SYTL5: variants seen among roughly 807,000 people sequenced by gnomAD.
The protein encoded by SYTL5 is synaptotagmin like 5.
Under a neutral mutation model 55.9 loss-of-function variants are expected in SYTL5, and 34 were observed. The ratio of observed to expected loss-of-function variants is 0.61; its 90% CI spans 0.46 to 0.81. The LOEUF (loss-of-function observed/expected upper bound fraction) is 0.81, where lower values mean the gene tolerates loss of function less well. SYTL5 is among the 30% of genes least tolerant of loss of function. The pLI is 0.00. For synonymous variants in SYTL5, 221 were observed against 188.7 expected (o/e 1.17, Z -1.40); for missense variants, 637 against 546.7 (o/e 1.17, Z -1.65).
chrX:37,978,187 G>A, the SYTL5 span, among the ~76,000 whole-genome samples: 2 of 111,198 alleles, frequency 1.8e-5, no homozygotes, highest in Non-Finnish European at 3.8e-5. Flanking sequence ...CGAAAATGAG[G>A]TCCTGAACTA....
At chrX:37,932,325 G>A in the SYTL5 span, among the ~76,000 whole-genome samples, 1 of 111,145 alleles carries the variant, frequency 9.0e-6, no homozygotes, top group Non-Finnish European at 1.9e-5. Flanking sequence ...GGGGTAAAAT[G>A]GAGGGGGAGC....
At chrX:38,011,864 C>T (rs376271575) in intron 1 of SYTL5, among the ~76,000 whole-genome samples, 1 of 108,268 alleles carries the variant, frequency 9.2e-6, no homozygotes, top group African/African-American at 3.5e-5. Flanking sequence ...AATGTTCTCT[C>T]ACCGTAGTTT....
At chrX:37,938,238 C>T in the SYTL5 span, among the ~76,000 whole-genome samples, 12 of 111,571 alleles carry the variant, frequency 1.1e-4, no homozygotes, top group Non-Finnish European at 2.1e-4. Flanking sequence ...TCCAATCTTC[C>T]GTCATTGAAA....
chrX:38,114,850 C>A (rs1158937248), intron 13 of SYTL5, among the ~76,000 whole-genome samples: 1 of 111,176 alleles, frequency 9.0e-6, no homozygotes, highest in Non-Finnish European at 1.9e-5. Context: ...CACCCCCAGC[C>A]CCTGATAACC....
chrX:37,989,969 T>C, the SYTL5 span, among the ~76,000 whole-genome samples: 1 of 110,589 alleles, frequency 9.0e-6, no homozygotes, highest in Non-Finnish European at 1.9e-5. Flanking sequence ...ACTTCCCGGG[T>C]TCACACCATT....
chrX:38,125,248 A>G (rs1937617457), intron 15 of SYTL5, 50 bp from the exon 16 acceptor site: 11 of 1,102,171 alleles, frequency 1.0e-5, no homozygotes, highest in African/African-American at 1.8e-5. Context: ...ACACGCTGAC[A>G]TTTTCTGTCT....
chrX:37,979,361 C>T, the SYTL5 span, among the ~76,000 whole-genome samples: 19 of 107,839 alleles, frequency 1.8e-4, no homozygotes, highest in East Asian at 4.7e-3. Flanking sequence ...ATAGTGTAGC[C>T]GCTGTGGGGA....
At chrX:37,948,517 A>G in the SYTL5 span, among the ~76,000 whole-genome samples, 1 of 110,038 alleles carries the variant, frequency 9.1e-6, no homozygotes. Context: ...TAGAATTTAT[A>G]TATTTACATA....
intron 6 of SYTL5, among the ~76,000 whole-genome samples, chrX:38,085,208 T>C (rs890521746): frequency 8.1e-5 from 9 of 111,779 alleles, no homozygotes; most frequent in Non-Finnish European, 1.7e-4. Context: ...AATGAACTTT[T>C]ATCCACAGCT....
the SYTL5 span, among the ~76,000 whole-genome samples, chrX:37,941,483 C>G: frequency 9.2e-6 from 1 of 108,315 alleles, no homozygotes; most frequent in African/African-American, 3.3e-5. Flanking sequence ...CGTGTTCACC[C>G]GGACATGCAA....
intron 1 of SYTL5, among the ~76,000 whole-genome samples, chrX:38,008,157 T>A (rs1482051728): frequency 8.9e-6 from 1 of 111,954 alleles, no homozygotes; most frequent in Non-Finnish European, 1.9e-5. Context: ...TATGATGATG[T>A]ATCTTATGAC....
chrX:37,988,762 T>C, the SYTL5 span, among the ~76,000 whole-genome samples: 1 of 112,022 alleles, frequency 8.9e-6, no homozygotes, highest in Non-Finnish European at 1.9e-5. Context: ...AGAAAGAAAT[T>C]AGTAACATAA....
chrX:38,007,694 C>A (rs1230908463), intron 1 of SYTL5, among the ~76,000 whole-genome samples: 2 of 111,394 alleles, frequency 1.8e-5, no homozygotes, highest in Non-Finnish European at 3.8e-5. Context: ...AAAAGTGTTA[C>A]AATTCATACC....
In SYTL5 at chrX:38,033,618, C is replaced by CT. The variant is rs1301782815; in HGVS notation, c.-271dup. ...ATCGTTAGTTAAATTCAGCTGCTGC[C>CT]TGACTGTATACCACAGCAAAGGCTT... On this transcript the variant is annotated 5_prime_UTR_variant, in exon 2 of 17. Coordinates refer to ENST00000297875, the MANE Select transcript of SYTL5 (RefSeq NM_138780.3). 6.5e-6 allele frequency: 1 copy of CT among 154,242 alleles called. No homozygotes were observed. Among genetic ancestry groups the CT allele is most frequent in the Non-Finnish European group, 1.2e-5 (1 of 80,503 alleles). The allele number at this position is 154,242 out of a possible 1,213,427, so 12.7% of individuals were successfully genotyped here.
chrX:38,061,285 TTGCAACTGTTAGTCTGTG>T (rs201548324), intron 3 of SYTL5, among the ~76,000 whole-genome samples: 3,818 of 112,086 alleles, frequency 0.034, 67 homozygotes, highest in Middle Eastern at 0.056. Flanking sequence ...TTCTCCAACA[TTGCAACTGTTAGTCTGTG>T]TGATATTAGA....
chrX:38,008,749 C>T (rs914972126), intron 1 of SYTL5, among the ~76,000 whole-genome samples: 2 of 112,161 alleles, frequency 1.8e-5, no homozygotes, highest in African/African-American at 6.5e-5. Context: ...ATCTTCATCA[C>T]TTTATTGACA....
chrX:38,050,340 A>G (rs1299466263), intron 2 of SYTL5, among the ~76,000 whole-genome samples: 1 of 112,094 alleles, frequency 8.9e-6, no homozygotes, highest in Non-Finnish European at 1.9e-5. Context: ...TAAAGCAAAA[A>G]GTCTTTTTAA....
the SYTL5 span, chrX:37,990,854 G>C: frequency 8.3e-7 from 1 of 1,201,150 alleles, no homozygotes. Context: ...CAGAGAAAAA[G>C]AACTGTAAGA....
intron 3 of SYTL5, among the ~76,000 whole-genome samples, chrX:38,065,209 A>T (rs1378687412): frequency 9.0e-6 from 1 of 111,626 alleles, no homozygotes; most frequent in Non-Finnish European, 1.9e-5. Flanking sequence ...GACATTTCTT[A>T]TTGTATAATC....
Sources: allele counts gnomAD v4.1 joint callset (sites outside exome capture counted in the v4.1 genomes callset), GRCh38; gene constraint gnomAD v4.1.1; transcripts MANE v1.5; gene names NCBI Gene and HGNC (gene_info 2026-07-23, HGNC 2026-07-21).